Variants in C1orf87 observed in about 807,000 individuals in gnomAD.
C1orf87 encodes chromosome 1 open reading frame 87.
In C1orf87, 58 loss-of-function variants were observed where a neutral mutation model predicts 60.5. The observed-to-expected ratio is 0.96, with a 90% CI of 0.78 to 1.19. C1orf87 has a LOEUF of 1.19. Among genes scored for constraint, C1orf87 ranks in the 50% most tolerant of loss-of-function variants. The probability of loss-of-function intolerance (pLI) is 0.00; values close to 1 mark genes in which losing one functional copy is unlikely to be tolerated. For synonymous variants in C1orf87, 236 were observed against 227.4 expected (o/e 1.04, Z -0.34); for missense variants, 673 against 638.6 (o/e 1.05, Z -0.58).
chr1:60,040,839 C>G (rs1417117050), intron 4 of C1orf87, 152 bp downstream of exon 4: 18 of 714,332 alleles, frequency 2.5e-5, no homozygotes, highest in Non-Finnish European at 2.7e-5. Flanking sequence ...GTGATCCTCC[C>G]AGCTTGGCTT....
In C1orf87 at chr1:60,040,279, T is replaced by G. The variant is rs1324359139; in HGVS notation, c.484-99A>C. 3.4e-6 allele frequency: 5 copies of G among 1,452,296 alleles called. No homozygotes were observed. The East Asian group carries it at 1.1e-4, about 33-fold the overall frequency. 90.0% of individuals were successfully genotyped at this position (1,452,296 alleles called of 1,614,324 possible). A position where few individuals can be genotyped will look rare whatever the true frequency, so the allele number is the denominator to read the frequency against. The stretch of plus-strand genomic sequence containing the variant: ...GCACACTGGGGCTGGTATCTGAGTG[T>G]CCACTCGCAGTCCTGGCCTGGAGCA... On this transcript the variant is annotated intron_variant, in intron 4 of 11. Transcript: ENST00000371201.
intron 10 of C1orf87, among the ~76,000 whole-genome samples, chr1:59,999,548 T>C (rs944288969): frequency 2.0e-5 from 3 of 152,108 alleles, no homozygotes; most frequent in African/African-American, 7.2e-5. Flanking sequence ...AGTTCAACAC[T>C]CTCTCTTTGA....
intron 8 of C1orf87, among the ~76,000 whole-genome samples, chr1:60,014,964 T>C (rs74085873): frequency 0.058 from 8,866 of 152,252 alleles, 299 homozygotes; most frequent in Admixed American, 0.09. Context: ...ATTTGAAGAA[T>C]TGCCTTCAGA....
At chr1:60,040,224 C>T (rs1224861574) in intron 4 of C1orf87, 44 bp from the exon 5 acceptor site, 4 of 1,572,440 alleles carry the variant, frequency 2.5e-6, no homozygotes, top group Non-Finnish European at 2.6e-6. Flanking sequence ...CTTCAATCAG[C>T]CGGCTAAAGA....
intron 11 of C1orf87, among the ~76,000 whole-genome samples, chr1:59,995,658 G>A (rs745620482): frequency 7.2e-5 from 11 of 152,088 alleles, no homozygotes; most frequent in Non-Finnish European, 1.3e-4. Flanking sequence ...TCTTGGTCCC[G>A]GACCTCGCAT....
Position 60,033,738 on chromosome 1 carries a change from T to C in C1orf87, c.864-97A>G, listed in dbSNP as rs779608057. 1,230 of 1,392,952 alleles carry C rather than the reference T, an allele frequency of 8.8e-4. 1 individual carries two copies. Among genetic ancestry groups the C allele is most frequent in the Non-Finnish European group, 1.1e-3 (1,096 of 1,021,552 alleles). The allele number at this position is 1,392,952 out of a possible 1,614,324, so 86.3% of individuals were successfully genotyped here. The stretch of plus-strand genomic sequence containing the variant: ...CATTTCTCAACTTTGCTACACACTA[T>C]GGAACCAGAGAGCCCATCTACGTAG... On this transcript the variant is annotated intron_variant, in intron 6 of 11. Transcript: ENST00000371201.
chr1:60,055,161 T>C, intron 3 of C1orf87, 43 bp downstream of exon 3: 1 of 1,481,358 alleles, frequency 6.8e-7, no homozygotes, highest in African/African-American at 1.4e-5. Flanking sequence ...TATATTTTCC[T>C]AATAAATTAT....
At chr1:60,051,241 C>G (rs1645412323) in intron 3 of C1orf87, among the ~76,000 whole-genome samples, 1 of 152,076 alleles carries the variant, frequency 6.6e-6, no homozygotes, top group Non-Finnish European at 1.5e-5. Context: ...TGGGATTTAA[C>G]AAGGGAATTT....
chr1:60,029,848 C>T (rs1964325), intron 7 of C1orf87, among the ~76,000 whole-genome samples: 25,013 of 151,754 alleles, frequency 0.16, 2,174 homozygotes, highest in African/African-American at 0.19. Flanking sequence ...ACCATGTTGG[C>T]CAGGATGGTC....
chr1:59,996,879 C>G (rs942251267), intron 11 of C1orf87, among the ~76,000 whole-genome samples: 1 of 152,012 alleles, frequency 6.6e-6, no homozygotes, highest in Non-Finnish European at 1.5e-5. Flanking sequence ...CAGGGATAAA[C>G]AAGGAAGATA....
chr1:60,066,807 CTAA>C, intron 2 of C1orf87, among the ~76,000 whole-genome samples: 1 of 152,012 alleles, frequency 6.6e-6, no homozygotes, highest in East Asian at 1.9e-4. Context: ...GGTATTTCTT[CTAA>C]TGTTAACCCT....
chr1:60,019,419 T>C (rs1472478316), intron 8 of C1orf87, among the ~76,000 whole-genome samples: 1 of 152,186 alleles, frequency 6.6e-6, no homozygotes, highest in Non-Finnish European at 1.5e-5. Flanking sequence ...TTACCCAGTC[T>C]CCGGTTGTTC....
intron 11 of C1orf87, among the ~76,000 whole-genome samples, chr1:59,995,274 A>C (rs763439131): frequency 6.6e-6 from 1 of 152,262 alleles, no homozygotes; most frequent in South Asian, 2.1e-4. Flanking sequence ...TTGTAACCTC[A>C]TCACCACTCT....
chr1:60,065,920 G>C (rs1645543102), intron 2 of C1orf87, among the ~76,000 whole-genome samples: 1 of 151,970 alleles, frequency 6.6e-6, no homozygotes, highest in Non-Finnish European at 1.5e-5. Flanking sequence ...TCACAATAAA[G>C]TGATTCACAT....
Position 60,033,476 on chromosome 1 carries a change from C to T in C1orf87, c.1029G>A (p.Lys343=), listed in dbSNP as rs572119867. The T allele has an allele frequency of 1.9e-6, 3 of 1,612,776 alleles. No homozygotes were observed. The highest frequency in any genetic ancestry group is 2.5e-6 in the Non-Finnish European group (3 of 1,179,312). Residue 343 remains lysine (K), a splice_region_variant and synonymous_variant, in exon 7 of 12, where the codon AAG becomes AAA. Transcript: ENST00000371201. The part of the protein sequence containing the change: ...RSFSGCLPLP[K]VRAICGKHGL... ...AAATCTGAAATTGAATTTTGGTTAC[C>T]TTAGGTAGAGGGAGGCAGCCAGAGA...
At chr1:60,034,545 C>A (rs577864350) in intron 6 of C1orf87, among the ~76,000 whole-genome samples, 1 of 152,298 alleles carries the variant, frequency 6.6e-6, no homozygotes, top group Non-Finnish European at 1.5e-5. Context: ...ATCAGCTTTG[C>A]AAGATAAAGC....
In C1orf87 at chr1:60,041,151, A is replaced by T. The variant is rs931846038; in HGVS notation, c.343-20T>A. ...GGGAATCTTAACAGAACAAGGACAA[A>T]GGGAAGCAAGGAGCAGAAGAGGAGG... On this transcript the variant is annotated intron_variant, in intron 3 of 11. Transcript: ENST00000371201. 4 of 1,522,778 alleles carry T rather than the reference A, an allele frequency of 2.6e-6. No homozygotes were observed. The highest frequency in any genetic ancestry group is 1.8e-5 in the Admixed American group (1 of 54,646). The allele number at this position is 1,522,778 out of a possible 1,614,324, so 94.3% of individuals were successfully genotyped here.
intron 11 of C1orf87, among the ~76,000 whole-genome samples, chr1:59,994,139 A>G (rs77941654): frequency 0.013 from 1,994 of 152,248 alleles, 27 homozygotes; most frequent in African/African-American, 0.045. Context: ...TCCGTTCTCA[A>G]ATCTGGGAAG....
chr1:60,064,810 AAT>A (rs1338065776), intron 2 of C1orf87, among the ~76,000 whole-genome samples: 99 of 86,416 alleles, frequency 1.1e-3, no homozygotes, highest in Non-Finnish European at 1.7e-3. Flanking sequence ...AATTATATTT[AAT>A]ATATATAAAT....
Sources: gnomAD v4.1 joint callset for allele counts (sites outside exome capture counted in the v4.1 genomes callset) on GRCh38, gnomAD v4.1.1 for gene constraint, MANE v1.5 for transcripts, NCBI Gene and HGNC (gene_info 2026-07-23, HGNC 2026-07-21) for gene names.